The following ADORA1 variants were observed in gnomAD, a reference collection of about 807,000 sequenced individuals.
ADORA1 encodes the protein adenosine receptor A1.
In ADORA1, 6 loss-of-function variants were observed where a neutral mutation model predicts 19.9. The ratio of observed to expected loss-of-function variants is 0.30; its 90% CI spans 0.17 to 0.59. The LOEUF (loss-of-function observed/expected upper bound fraction) is 0.59. ADORA1 is among the 20% of genes least tolerant of loss of function. ADORA1 has a pLI of 0.87. For synonymous variants in ADORA1, 194 were observed against 188.4 expected (o/e 1.03, Z -0.24); for missense variants, 302 against 439.2 (o/e 0.69, Z 2.79).
At position 203,137,738 on chromosome 1, in the gene ADORA1, T is replaced by C. The variant is rs73073896; in HGVS notation, c.341+8556T>C. Among the ~76,000 whole-genome samples the C allele has an allele frequency of 3.8e-3, 578 of 152,332 alleles. 3 individuals are homozygous for C. The highest frequency in any genetic ancestry group is 0.013 in the African/African-American group (554 of 41,568). On this transcript the variant is annotated intron_variant, in intron 3 of 3. Transcript: ENST00000337894. The stretch of plus-strand genomic sequence containing the variant: ...ACTCAGCTCTATAAAATTTTGCATA[T>C]GTATATACCTATATACCACTACCCC...
At position 203,166,087 on chromosome 1, in the gene ADORA1, T is replaced by C. The variant is rs920743480; in HGVS notation, c.*187T>C. 2.7e-6 allele frequency: 2 copies of C among 731,760 alleles called. No individual in the cohort carries two copies. The highest frequency in any genetic ancestry group is 7.2e-5 in the Admixed American group (2 of 27,670). The allele number at this position is 731,760 out of a possible 1,614,324, so 45.3% of individuals were successfully genotyped here. A position where few individuals can be genotyped will look rare whatever the true frequency, so the allele number is the denominator to read the frequency against. ...CTAGGAGTTAACTACCCTACACCTCTGGGCCCTGCAGGAGGCCTGGGAGGG... is the reference window on the plus strand; with the variant it reads ...CTAGGAGTTAACTACCCTACACCTCCGGGCCCTGCAGGAGGCCTGGGAGGG... On this transcript the variant is annotated 3_prime_UTR_variant, in exon 4 of 4. Transcript: ENST00000337894.
chr1:203,139,882 CA>C (rs1343223280), intron 3 of ADORA1, among the ~76,000 whole-genome samples: 2 of 152,212 alleles, frequency 1.3e-5, no homozygotes, highest in Non-Finnish European at 2.9e-5. Context: ...GAGAGACCCA[CA>C]AGGGCTTCAG....
chr1:203,145,622 C>T (rs1654834517), intron 3 of ADORA1, among the ~76,000 whole-genome samples: 1 of 152,234 alleles, frequency 6.6e-6, no homozygotes, highest in Non-Finnish European at 1.5e-5. Flanking sequence ...AGCTCTGCCA[C>T]CTGCTTGCTG....
At chr1:203,161,247 T>C (rs1305370775) in intron 3 of ADORA1, among the ~76,000 whole-genome samples, 1 of 152,230 alleles carries the variant, frequency 6.6e-6, no homozygotes, top group African/African-American at 2.4e-5. Context: ...GTTATCATCA[T>C]CAATGAGAAG....
intron 3 of ADORA1, among the ~76,000 whole-genome samples, chr1:203,148,298 A>T (rs969123288): frequency 6.6e-6 from 1 of 152,238 alleles, no homozygotes; most frequent in African/African-American, 2.4e-5. Context: ...TAGCTGTATG[A>T]CCTTGGGCAA....
At chr1:203,141,571 G>GTTTT (rs1417902793) in intron 3 of ADORA1, among the ~76,000 whole-genome samples, 3 of 81,390 alleles carry the variant, frequency 3.7e-5, no homozygotes, top group Admixed American at 1.4e-4. Flanking sequence ...CTCTAACCTG[G>GTTTT]ATTTTTTTTT....
At chr1:203,146,904 AG>A (rs1558132292) in intron 3 of ADORA1, among the ~76,000 whole-genome samples, 1 of 152,212 alleles carries the variant, frequency 6.6e-6, no homozygotes, top group East Asian at 1.9e-4. Context: ...CACAGAGGTG[AG>A]AATGGTGGAG....
chr1:203,136,950 C>T (rs796265053), intron 3 of ADORA1, among the ~76,000 whole-genome samples: 5 of 152,132 alleles, frequency 3.3e-5, no homozygotes, highest in African/African-American at 1.2e-4. Flanking sequence ...AAACAGAGAT[C>T]CTCATGGAGA....
chr1:203,133,399 G>A (rs1312114379), intron 3 of ADORA1, among the ~76,000 whole-genome samples: 4 of 152,204 alleles, frequency 2.6e-5, no homozygotes, highest in Non-Finnish European at 5.9e-5. Flanking sequence ...ACAGGCGTGA[G>A]CCACCTCGCC....
chr1:203,128,872 G>T lies in ADORA1; in HGVS notation c.31G>T (p.Ala11Ser), dbSNP rs148895280. Residue 11 changes from alanine (A) to serine (S), a missense_variant, in exon 3 of 4, where the codon GCC becomes TCC. Ala to Ser is a moderately conservative substitution (Grantham distance 99). Transcript: ENST00000337894. The surrounding 1 kb of genome is among the most constrained non-coding windows in gnomAD (Gnocchi z 5.9). MPPSISAFQA[A>S]YIGIEVLIAL... Reference sequence around the variant, plus strand: ...GCCCTCCATCTCAGCTTTCCAGGCCGCCTACATCGGCATCGAGGTGCTCAT... The same window carrying T: ...GCCCTCCATCTCAGCTTTCCAGGCCTCCTACATCGGCATCGAGGTGCTCAT... 3 of 1,608,134 alleles carry T rather than the reference G, an allele frequency of 1.9e-6. No homozygotes were observed. Among genetic ancestry groups the T allele is most frequent in the Non-Finnish European group, 2.5e-6 (3 of 1,178,340 alleles).
In ADORA1 at chr1:203,165,465, C is replaced by T; in HGVS notation, c.546C>T (p.Tyr182=). 1 of 1,613,680 alleles carries T rather than the reference C, an allele frequency of 6.2e-7. No individual in the cohort carries two copies. ...EKVISMEYMV[Y]FNFFVWVLPP... ...TCATCAGCATGGAGTACATGGTCTA[C>T]TTCAACTTCTTTGTGTGGGTGCTGC... The change falls in exon 4 of 4, where the codon TAC becomes TAT. Residue 182 remains tyrosine, a synonymous_variant. Transcript: ENST00000337894. The surrounding 1 kb of genome is among the most constrained non-coding windows in gnomAD (Gnocchi z 5.9).
chr1:203,142,951 AC>A (rs1442162490), intron 3 of ADORA1, among the ~76,000 whole-genome samples: 1 of 151,540 alleles, frequency 6.6e-6, no homozygotes, highest in African/African-American at 2.4e-5. Context: ...TAAACACAAC[AC>A]CCCCACTCAC....
chr1:203,154,311 T>C (rs576638710), intron 3 of ADORA1, among the ~76,000 whole-genome samples: 1 of 152,334 alleles, frequency 6.6e-6, no homozygotes, highest in East Asian at 1.9e-4. Flanking sequence ...TAGGGATGAC[T>C]GAGCTCAGTT....
At chr1:203,146,754 G>C (rs544228404) in intron 3 of ADORA1, among the ~76,000 whole-genome samples, 5 of 152,348 alleles carry the variant, frequency 3.3e-5, no homozygotes, top group Admixed American at 2.6e-4. Flanking sequence ...AGCCAGGCCC[G>C]GTCTGGCCTG....
Position 203,165,278 on chromosome 1 carries a change from C to T in ADORA1, c.359C>T (p.Thr120Ile), listed in dbSNP as rs1655504500. The change falls in exon 4 of 4, where the codon ACC becomes ATC. Residue 120 changes from threonine (T) to isoleucine (I), a missense_variant. Coordinates refer to ENST00000337894, the MANE Select transcript of ADORA1 (RefSeq NM_000674.3). The surrounding 1 kb of genome is among the most constrained non-coding windows in gnomAD (Gnocchi z 5.9). ...TCCCCCAGGTACAAGATGGTGGTGACCCCCCGGAGGGCGGCGGTGGCCATA... is the reference window on the plus strand; with the variant it reads ...TCCCCCAGGTACAAGATGGTGGTGATCCCCCGGAGGGCGGCGGTGGCCATA... ...KIPLRYKMVV[T>I]PRRAAVAIAG... 1.3e-6 allele frequency: 2 copies of T among 1,578,290 alleles called. No individual in the cohort carries two copies. Among genetic ancestry groups the T allele is most frequent in the African/African-American group, 1.4e-5 (1 of 73,602 alleles).
chr1:203,163,660 C>G (rs550682600), intron 3 of ADORA1, among the ~76,000 whole-genome samples: 1 of 152,260 alleles, frequency 6.6e-6, no homozygotes, highest in Non-Finnish European at 1.5e-5. Context: ...TCTTCTAGTC[C>G]TTATCTTCTA....
intron 3 of ADORA1, among the ~76,000 whole-genome samples, chr1:203,137,313 G>A (rs930711346): frequency 5.3e-5 from 8 of 152,176 alleles, no homozygotes; most frequent in Non-Finnish European, 8.8e-5. Flanking sequence ...CTGTGGGGCT[G>A]AGATGGAGAG....
chr1:203,154,679 G>A (rs529038099), intron 3 of ADORA1, among the ~76,000 whole-genome samples: 1 of 152,180 alleles, frequency 6.6e-6, no homozygotes, highest in Non-Finnish European at 1.5e-5. Flanking sequence ...CATCCCCACT[G>A]CTCCAGCACT....
intron 3 of ADORA1, among the ~76,000 whole-genome samples, chr1:203,142,758 C>T (rs997578829): frequency 3.9e-5 from 6 of 152,190 alleles, no homozygotes; most frequent in African/African-American, 1.4e-4. Context: ...ATCCCCCCGT[C>T]TCCTGGAGGC....
Sources: allele counts gnomAD v4.1 joint callset (sites outside exome capture counted in the v4.1 genomes callset), GRCh38; gene constraint gnomAD v4.1.1; non-coding constraint Gnocchi (gnomAD v3.1); transcripts MANE v1.5; gene names NCBI Gene and HGNC (gene_info 2026-07-23, HGNC 2026-07-21).